ANKRD17: variants seen among roughly 807,000 people sequenced by gnomAD.
ANKRD17 encodes ankyrin repeat domain 17.
Under a neutral mutation model 229.7 loss-of-function variants are expected in ANKRD17, and 19 were observed. The observed-to-expected ratio is 0.08, with a 90% CI of 0.06 to 0.12. ANKRD17 has a LOEUF of 0.12. ANKRD17 is among the 10% of genes least tolerant of loss of function. The pLI is 1.00. For synonymous variants in ANKRD17, 1,112 were observed against 1,146.1 expected (o/e 0.97, Z 0.60); for missense variants, 2,176 against 3,176.8 (o/e 0.68, Z 7.57).
At chr4:73,147,464 G>A in intron 8 of ANKRD17, 32 bp from the exon 9 acceptor site, 2 of 1,422,636 alleles carry the variant, frequency 1.4e-6, no homozygotes, top group East Asian at 2.5e-5. Flanking sequence ...TTTAAAGAAA[G>A]TCATTAACTT....
At position 73,076,022 on chromosome 4, in the gene ANKRD17, G is replaced by A; in HGVS notation, c.*209C>T. The A allele has an allele frequency of 2.3e-6, 1 of 428,138 alleles. No individual in the cohort carries two copies. The highest frequency in any genetic ancestry group is 6.2e-5 in the South Asian group (1 of 16,224). The allele number at this position is 428,138 out of a possible 1,614,324, so 26.5% of individuals were successfully genotyped here. A position where few individuals can be genotyped will look rare whatever the true frequency, so the allele number is the denominator to read the frequency against. On this transcript the variant is annotated 3_prime_UTR_variant, in exon 34 of 34. Coordinates refer to ENST00000358602, the MANE Select transcript of ANKRD17 (RefSeq NM_032217.5). The stretch of plus-strand genomic sequence containing the variant: ...AAAAAAGAAAAATGATAAGAAAAAT[G>A]CTAACTAAGGTAAAACGGATGATGA...
At chr4:73,129,672 G>A (rs923951025) in intron 16 of ANKRD17, among the ~76,000 whole-genome samples, 4 of 151,956 alleles carry the variant, frequency 2.6e-5, no homozygotes, top group Admixed American at 1.3e-4. Flanking sequence ...AGCTGTGATG[G>A]TGCCACTGCA....
intron 1 of ANKRD17, among the ~76,000 whole-genome samples, chr4:73,199,057 C>T (rs890976147): frequency 6.6e-6 from 1 of 152,170 alleles, no homozygotes; most frequent in Non-Finnish European, 1.5e-5. Context: ...CTTCCCAATA[C>T]ATTTCATTCT....
intron 27 of ANKRD17, among the ~76,000 whole-genome samples, chr4:73,095,072 G>C (rs1439073428): frequency 5.3e-5 from 8 of 152,060 alleles, no homozygotes. Context: ...TACTCAGGAG[G>C]CTGAGGCAGG....
intron 3 of ANKRD17, among the ~76,000 whole-genome samples, chr4:73,158,200 A>G (rs927034561): frequency 7.5e-5 from 11 of 147,564 alleles, no homozygotes; most frequent in Non-Finnish European, 1.7e-4. Context: ...GAGAGAAAGA[A>G]AGAAAGAAAA....
At chr4:73,125,750 G>T (rs866251096) in intron 16 of ANKRD17, among the ~76,000 whole-genome samples, 85 of 144,426 alleles carry the variant, frequency 5.9e-4, no homozygotes, top group African/African-American at 2.1e-3. Context: ...AAAAAAAAAA[G>T]AAAAGAAAAG....
At chr4:73,167,537 C>T (rs1733398808) in intron 2 of ANKRD17, among the ~76,000 whole-genome samples, 2 of 152,130 alleles carry the variant, frequency 1.3e-5, no homozygotes, top group African/African-American at 4.8e-5. Context: ...ATATGACAGT[C>T]TCTTAAGCAT....
rs547451248 is a variant in ANKRD17 at position 73,248,788 on chromosome 4, A to G, written c.393+9488T>C. Among the ~76,000 whole-genome samples, 4 of 152,140 alleles carry G rather than the reference A, an allele frequency of 2.6e-5. No individual in the cohort carries two copies. In the East Asian group the frequency reaches 7.7e-4, roughly 29 times the overall value. On this transcript the variant is annotated intron_variant, in intron 1 of 33. Transcript: ENST00000358602. ...TTTTTTTCATATTCACTGGGAAGGA[A>G]ATAGTTCAGATTAGACAATGAAAAC...
intron 1 of ANKRD17, among the ~76,000 whole-genome samples, chr4:73,249,085 C>G (rs956016425): frequency 1.3e-5 from 2 of 152,150 alleles, no homozygotes; most frequent in African/African-American, 4.8e-5. Context: ...GAAAATAGAT[C>G]TCTATGGTAA....
chr4:73,256,128 C>T (rs1235921857), intron 1 of ANKRD17, among the ~76,000 whole-genome samples: 1 of 152,186 alleles, frequency 6.6e-6, no homozygotes, highest in African/African-American at 2.4e-5. Flanking sequence ...ATGTTAAAAA[C>T]ATAGAAATAC....
intron 2 of ANKRD17, among the ~76,000 whole-genome samples, chr4:73,172,917 T>G (rs928991935): frequency 1.3e-5 from 2 of 152,058 alleles, no homozygotes; most frequent in African/African-American, 4.8e-5. Context: ...ACAAAACAAC[T>G]TGAAAACAAA....
rs184589023 is a variant in ANKRD17, at chr4:73,101,088, T to C, written c.4573+1288A>G. On this transcript the variant is annotated intron_variant, in intron 25 of 33. Coordinates refer to ENST00000358602, the MANE Select transcript of ANKRD17 (RefSeq NM_032217.5). ...TTTAAAGTATATGGGAGAATGTGCATAATTTTTATGCAAATATTACACCAT... is the reference window on the plus strand; with the variant it reads ...TTTAAAGTATATGGGAGAATGTGCACAATTTTTATGCAAATATTACACCAT... 17 of 854,342 alleles carry C rather than the reference T, an allele frequency of 2.0e-5. No homozygotes were observed. The East Asian group carries it at 1.5e-3, about 74-fold the overall frequency. 52.9% of individuals were successfully genotyped at this position (854,342 alleles called of 1,614,324 possible).
rs117447466 is a variant in ANKRD17, at chr4:73,077,663, T to C, written c.7409-130A>G. 2,256 of 731,902 alleles carry C rather than the reference T, an allele frequency of 3.1e-3. 53 individuals carry two copies. The East Asian group carries it at 0.057, about 18-fold the overall frequency. The allele number at this position is 731,902 out of a possible 1,614,324, so 45.3% of individuals were successfully genotyped here. On this transcript the variant is annotated intron_variant, in intron 31 of 33. Coordinates refer to ENST00000358602, the MANE Select transcript of ANKRD17 (RefSeq NM_032217.5). ...ATATAATGACCTACTTTTATATATT[T>C]ACAGCAATATTTCCATGGTTTGTAA...
At chr4:73,169,734 C>A (rs901076338) in intron 2 of ANKRD17, among the ~76,000 whole-genome samples, 3 of 152,202 alleles carry the variant, frequency 2.0e-5, no homozygotes, top group African/African-American at 4.8e-5. Context: ...AGCAGCTCCC[C>A]ACATGGTGCA....
chr4:73,214,532 T>C (rs1261431312), intron 1 of ANKRD17, among the ~76,000 whole-genome samples: 1 of 152,016 alleles, frequency 6.6e-6, no homozygotes, highest in African/African-American at 2.4e-5. Flanking sequence ...ACAAAAGCAA[T>C]GGTGGGTAAA....
chr4:73,228,903 A>T (rs1337336207), intron 1 of ANKRD17, among the ~76,000 whole-genome samples: 1 of 152,186 alleles, frequency 6.6e-6, no homozygotes, highest in Non-Finnish European at 1.5e-5. Context: ...ACAATGATAG[A>T]CTGGATTAAG....
intron 1 of ANKRD17, among the ~76,000 whole-genome samples, chr4:73,208,874 T>G (rs935989362): frequency 1.3e-5 from 2 of 151,586 alleles, no homozygotes; most frequent in African/African-American, 4.8e-5. Context: ...CAAACTGAAT[T>G]CAAAAAAGGG....
At chr4:73,126,320 C>A (rs937543831) in intron 16 of ANKRD17, among the ~76,000 whole-genome samples, 12 of 152,024 alleles carry the variant, frequency 7.9e-5, no homozygotes, top group Non-Finnish European at 1.5e-4. Flanking sequence ...ATACCCAGGG[C>A]TCACACGGAG....
intron 1 of ANKRD17, among the ~76,000 whole-genome samples, chr4:73,233,327 T>G (rs1258305600): frequency 1.3e-5 from 2 of 152,174 alleles, no homozygotes; most frequent in Non-Finnish European, 2.9e-5. Context: ...GATATTATTT[T>G]TATATTATAA....
Sources: gnomAD v4.1 joint callset for allele counts (sites outside exome capture counted in the v4.1 genomes callset) on GRCh38, gnomAD v4.1.1 for gene constraint, MANE v1.5 for transcripts, NCBI Gene and HGNC (gene_info 2026-07-23, HGNC 2026-07-21) for gene names.